Variants in AP3B1 observed in about 807,000 individuals in gnomAD.
The protein encoded by AP3B1 is adaptor related protein complex 3 subunit beta 1.
AP3B1 carries 61 observed loss-of-function variants against 132.5 expected under a neutral mutation model. The ratio of observed to expected loss-of-function variants is 0.46; its 90% confidence interval spans 0.37 to 0.57. The LOEUF is 0.57. AP3B1 is among the 20% of genes least tolerant of loss of function. The pLI, the probability that AP3B1 is intolerant of heterozygous loss-of-function variation, is 0.00. For synonymous variants in AP3B1, 388 were observed against 438.3 expected (o/e 0.89, Z 1.43); for missense variants, 1,120 against 1,289.4 (o/e 0.87, Z 2.01).
At chr5:78,067,395 T>G (rs1159663092) in intron 22 of AP3B1, among the ~76,000 whole-genome samples, 4 of 152,194 alleles carry the variant, frequency 2.6e-5, no homozygotes, top group Admixed American at 2.6e-4. Context: ...ATTCAGAACT[T>G]GAACTCAGCT....
chr5:78,260,312 C>T (rs1350446690), intron 2 of AP3B1, among the ~76,000 whole-genome samples: 1 of 151,746 alleles, frequency 6.6e-6, no homozygotes, highest in East Asian at 1.9e-4. Context: ...AGGGGCCGGG[C>T]GTGGTGGCTC....
intron 1 of AP3B1, among the ~76,000 whole-genome samples, chr5:78,272,129 C>A (rs964052281): frequency 6.6e-5 from 10 of 152,290 alleles, no homozygotes; most frequent in Admixed American, 5.2e-4. Flanking sequence ...TCTCTTGATC[C>A]CAGGTTTTTC....
chr5:78,235,517 T>C (rs1028986955), intron 3 of AP3B1, among the ~76,000 whole-genome samples: 4 of 152,218 alleles, frequency 2.6e-5, no homozygotes, highest in East Asian at 1.9e-4. Context: ...ACTAAATTTG[T>C]TCTACTTCTG....
chr5:78,284,964 T>C (rs963753835), intron 1 of AP3B1, among the ~76,000 whole-genome samples: 11 of 152,162 alleles, frequency 7.2e-5, no homozygotes, highest in Non-Finnish European at 1.0e-4. Flanking sequence ...AATATACTAA[T>C]GGCCAGGCGC....
chr5:78,020,131 A>G (rs2112064510), intron 25 of AP3B1, among the ~76,000 whole-genome samples: 1 of 152,238 alleles, frequency 6.6e-6, no homozygotes, highest in Middle Eastern at 3.4e-3. Flanking sequence ...TTTCTTTTTA[A>G]GTACTTATTT....
intron 3 of AP3B1, among the ~76,000 whole-genome samples, chr5:78,237,186 C>T (rs1746912656): frequency 6.6e-6 from 1 of 152,156 alleles, no homozygotes; most frequent in Non-Finnish European, 1.5e-5. Flanking sequence ...ATACAGAATG[C>T]ACTTCCTATC....
chr5:78,116,291 T>C (rs940572813), intron 17 of AP3B1, 57 bp from the exon 18 acceptor site: 9 of 1,461,350 alleles, frequency 6.2e-6, no homozygotes, highest in African/African-American at 1.4e-5. Flanking sequence ...TTTAGAGTTC[T>C]GGCAAACTTA....
chr5:78,026,556 T>C (rs1747348994), intron 24 of AP3B1, among the ~76,000 whole-genome samples: 1 of 152,196 alleles, frequency 6.6e-6, no homozygotes, highest in African/African-American at 2.4e-5. Context: ...AATAGGGATA[T>C]ATCATTATTT....
At chr5:78,027,312 C>G (rs1747375608) in intron 24 of AP3B1, among the ~76,000 whole-genome samples, 1 of 152,060 alleles carries the variant, frequency 6.6e-6, no homozygotes, top group Non-Finnish European at 1.5e-5. Flanking sequence ...TAATGGTCCT[C>G]ACACCATTTA....
At chr5:78,064,290 T>C (rs1749185087) in intron 22 of AP3B1, among the ~76,000 whole-genome samples, 1 of 152,016 alleles carries the variant, frequency 6.6e-6, no homozygotes, top group Non-Finnish European at 1.5e-5. Flanking sequence ...TGTTTAGAGA[T>C]CACAATTTAA....
chr5:78,022,193 T>C (rs1440040191), intron 24 of AP3B1, among the ~76,000 whole-genome samples: 1 of 152,214 alleles, frequency 6.6e-6, no homozygotes, highest in Admixed American at 6.5e-5. Context: ...CAATAAACAC[T>C]GAATACAACC....
chr5:78,016,894 G>C (rs1746878554), intron 25 of AP3B1, among the ~76,000 whole-genome samples: 1 of 152,114 alleles, frequency 6.6e-6, no homozygotes, highest in African/African-American at 2.4e-5. Context: ...TAACACTGCT[G>C]AGAGATGTGT....
In AP3B1 at chr5:78,091,756, C is replaced by T. The variant is rs1184700944; in HGVS notation, c.2471-2257G>A. Among the ~76,000 whole-genome samples the T allele has an allele frequency of 2.6e-5, 4 of 152,088 alleles. No homozygotes were observed. The East Asian group carries it at 7.7e-4, about 29-fold the overall frequency. Reference sequence around the variant, plus strand: ...TAGACCAAGGGGAACAGTCAAAAATCGATCAAACAGAGGAATGACAATGAA... The same window carrying T: ...TAGACCAAGGGGAACAGTCAAAAATTGATCAAACAGAGGAATGACAATGAA... On this transcript the variant is annotated intron_variant, in intron 21 of 26. Transcript: ENST00000255194.
chr5:78,097,606 G>GC (rs1295710420), intron 21 of AP3B1, among the ~76,000 whole-genome samples: 2,751 of 130,026 alleles, frequency 0.021, 287 homozygotes, highest in African/African-American at 0.075. Context: ...GGAGGGAGGT[G>GC]GGGGGGTCAG....
intron 11 of AP3B1, among the ~76,000 whole-genome samples, chr5:78,171,301 T>C (rs1056753252): frequency 5.3e-5 from 8 of 152,200 alleles, no homozygotes; most frequent in African/African-American, 1.7e-4. Flanking sequence ...GGGGAGGGCA[T>C]TGAATATATA....
chr5:78,135,489 G>C (rs1330202341), intron 15 of AP3B1, among the ~76,000 whole-genome samples: 1 of 152,100 alleles, frequency 6.6e-6, no homozygotes, highest in African/African-American at 2.4e-5. Context: ...CAATGGGGAA[G>C]AAACGAACGT....
At chr5:78,118,532 C>T (rs1379385743) in intron 17 of AP3B1, among the ~76,000 whole-genome samples, 1 of 152,250 alleles carries the variant, frequency 6.6e-6, no homozygotes, top group Non-Finnish European at 1.5e-5. Flanking sequence ...TTATATCCCA[C>T]ACCTGGCTCA....
chr5:78,092,716 C>T (rs1220669132), intron 21 of AP3B1, among the ~76,000 whole-genome samples: 1 of 152,140 alleles, frequency 6.6e-6, no homozygotes, highest in East Asian at 1.9e-4. Flanking sequence ...GGCATAATCA[C>T]AGCTCAGTGC....
chr5:78,192,412 C>T (rs889220643), intron 7 of AP3B1, among the ~76,000 whole-genome samples: 1 of 151,800 alleles, frequency 6.6e-6, no homozygotes, highest in Non-Finnish European at 1.5e-5. Context: ...GGAGCCAAGG[C>T]GAGTGGATCA....
Sources: gnomAD v4.1 joint callset for allele counts (sites outside exome capture counted in the v4.1 genomes callset) on GRCh38, gnomAD v4.1.1 for gene constraint, MANE v1.5 for transcripts, NCBI Gene and HGNC (gene_info 2026-07-23, HGNC 2026-07-21) for gene names.